Variants in RNF6 observed in about 807,000 individuals in gnomAD.
RNF6 encodes the protein ring finger protein 6.
Under a neutral mutation model 50.1 loss-of-function variants are expected in RNF6, and 21 were observed. The ratio of observed to expected loss-of-function variants is 0.42; its 90% confidence interval spans 0.30 to 0.60. RNF6 has a LOEUF of 0.60. Ranked by LOEUF, RNF6 falls within the 20% of genes least tolerant of loss-of-function variation. RNF6 has a pLI of 0.20. For synonymous variants in RNF6, 255 were observed against 291.8 expected, an observed-to-expected ratio of 0.87 and a Z score of 1.29; for missense variants, 698 against 838.2, an observed-to-expected ratio of 0.83 and a Z score of 2.07.
At chr13:26,175,515 G>A (rs1054015899) in intron 5 of RNF6, among the ~76,000 whole-genome samples, 2 of 152,168 alleles carry the variant, frequency 1.3e-5, no homozygotes, top group Non-Finnish European at 2.9e-5. Context: ...GATAGCCTTA[G>A]TGCTCACCTG....
At chr13:26,179,940 A>G (rs76958022) in intron 5 of RNF6, among the ~76,000 whole-genome samples, 6,649 of 152,282 alleles carry the variant, frequency 0.044, 193 homozygotes, top group Non-Finnish European at 0.068. Flanking sequence ...AGAAGTTGCT[A>G]AAGAATCAAA....
At chr13:26,133,110 G>A (rs1870475999) in intron 5 of RNF6, among the ~76,000 whole-genome samples, 1 of 152,040 alleles carries the variant, frequency 6.6e-6, no homozygotes, top group African/African-American at 2.4e-5. Flanking sequence ...ATTGTCCAAA[G>A]TCTTTTTCAC....
rs167288 is a variant in RNF6 at position 26,165,645 on chromosome 13, T to C, written n.769-33194A>G. 7.7e-3 allele frequency among the ~76,000 whole-genome samples: 1,175 copies of C among 152,342 alleles called. 14 individuals are homozygous for C. Among genetic ancestry groups the C allele is most frequent in the African/African-American group, 0.022 (899 of 41,580 alleles). ...ACCTCTTGCATCAGCTTGACCTGTA[T>C]GTGAAACATGGAGTCAAAGGAAGCA... On this transcript the variant is annotated intron_variant and non_coding_transcript_variant, in intron 5 of 5. Coordinates refer to the RNF6 transcript ENST00000468480.
chr13:26,165,621 C>A (rs1036249517), intron 5 of RNF6, among the ~76,000 whole-genome samples: 3 of 152,230 alleles, frequency 2.0e-5, no homozygotes, highest in African/African-American at 7.2e-5. Context: ...TGGGAACCCA[C>A]CTCTTGCATC....
intron 5 of RNF6, among the ~76,000 whole-genome samples, chr13:26,186,195 C>G (rs1257406093): frequency 6.6e-6 from 1 of 152,142 alleles, no homozygotes; most frequent in Non-Finnish European, 1.5e-5. Flanking sequence ...ATACACACAA[C>G]GCAGAGGAAA....
chr13:26,141,375 C>A (rs1270086140), intron 5 of RNF6, among the ~76,000 whole-genome samples: 1 of 148,256 alleles, frequency 6.7e-6, no homozygotes, highest in Non-Finnish European at 1.5e-5. Context: ...TTGCAGTGAG[C>A]AGAGGTTGTG....
intron 5 of RNF6, among the ~76,000 whole-genome samples, chr13:26,135,803 T>C (rs1355919338): frequency 6.6e-6 from 1 of 151,952 alleles, no homozygotes; most frequent in Admixed American, 6.6e-5. Context: ...CTTGGTGCTG[T>C]CCTTATAGTG....
At chr13:26,132,807 AAGGATTTAGAAC>A (rs1382090329) in intron 5 of RNF6, among the ~76,000 whole-genome samples, 1 of 152,218 alleles carries the variant, frequency 6.6e-6, no homozygotes, top group African/African-American at 2.4e-5. Context: ...TTTGAGTAGC[AAGGATTTAGAAC>A]AGTGGTTCCA....
chr13:26,211,911 C>T (rs1869343099), downstream of RNF6, among the ~76,000 whole-genome samples: 1 of 152,224 alleles, frequency 6.6e-6, no homozygotes, highest in Non-Finnish European at 1.5e-5. Flanking sequence ...CTACCTCTCC[C>T]TCCTCCACCT....
At chr13:26,196,417 G>A (rs372128633) in intron 5 of RNF6, among the ~76,000 whole-genome samples, 14 of 152,116 alleles carry the variant, frequency 9.2e-5, no homozygotes, top group African/African-American at 2.9e-4. Flanking sequence ...TTGGGAGGCC[G>A]AGGTGGGTGG....
At chr13:26,188,887 CA>C (rs1425587480) in intron 5 of RNF6, among the ~76,000 whole-genome samples, 3 of 151,862 alleles carry the variant, frequency 2.0e-5, no homozygotes. Flanking sequence ...CTTGGCCTCC[CA>C]AAGTGATGGG....
intron 5 of RNF6, among the ~76,000 whole-genome samples, chr13:26,164,540 G>T (rs920291626): frequency 2.0e-5 from 3 of 151,752 alleles, no homozygotes; most frequent in African/African-American, 7.3e-5. Context: ...ATCTACTAAG[G>T]TCTTTAAAAA....
At chr13:26,217,222 A>T (rs1046901707) in intron 4 of RNF6, among the ~76,000 whole-genome samples, 1 of 152,232 alleles carries the variant, frequency 6.6e-6, no homozygotes, top group African/African-American at 2.4e-5. Flanking sequence ...TACATATCTA[A>T]ACACAAATAA....
rs565735203 is a variant in RNF6, at chr13:26,205,603, A to G, written n.768+9871T>C. On this transcript the variant is annotated intron_variant and non_coding_transcript_variant, in intron 5 of 5. Coordinates refer to the RNF6 transcript ENST00000468480. ...CTGTTTAAAGAGTTTCATGTAATATATTGAATAGGAAGGTGTTTACTAACA... is the reference window on the plus strand; with the variant it reads ...CTGTTTAAAGAGTTTCATGTAATATGTTGAATAGGAAGGTGTTTACTAACA... 1.5e-4 allele frequency among the ~76,000 whole-genome samples: 23 copies of G among 152,334 alleles called. No individual in the cohort carries two copies. The South Asian group carries it at 4.8e-3, about 32-fold the overall frequency.
chr13:26,134,595 C>T (rs1870554518), intron 5 of RNF6, among the ~76,000 whole-genome samples: 1 of 152,112 alleles, frequency 6.6e-6, no homozygotes, highest in South Asian at 2.1e-4. Flanking sequence ...AGGGAACTCA[C>T]CACCATGTTG....
downstream of RNF6, among the ~76,000 whole-genome samples, chr13:26,211,285 A>G (rs1869310352): frequency 6.6e-6 from 1 of 152,220 alleles, no homozygotes. Flanking sequence ...AAATGCCTAT[A>G]TGGGATTTCT....
downstream of RNF6, among the ~76,000 whole-genome samples, chr13:26,212,257 T>C (rs1212894656): frequency 6.6e-6 from 1 of 152,208 alleles, no homozygotes; most frequent in Non-Finnish European, 1.5e-5. Context: ...AGTCCTTAGT[T>C]TGCTATGAAA....
intron 5 of RNF6, among the ~76,000 whole-genome samples, chr13:26,186,518 T>C (rs547896422): frequency 1.7e-4 from 26 of 152,298 alleles, no homozygotes; most frequent in African/African-American, 6.3e-4. Flanking sequence ...GCAGGTCTGT[T>C]AGGGCGCGCG....
In RNF6 at chr13:26,214,109, A is replaced by G. The variant is rs1869549098; in HGVS notation, c.1773T>C (p.Phe591=). 5 of 1,614,226 alleles carry G rather than the reference A, an allele frequency of 3.1e-6. No homozygotes were observed. The highest frequency in any genetic ancestry group is 4.2e-6 in the Non-Finnish European group (5 of 1,180,040). ...CATCATCACTTTCATTTAGTAAAAA[A>G]AAGTGAGCAAGGCGAAGAATGGGTA... is the stretch of plus-strand genomic sequence containing the variant. ...GTLPILRLAH[F]FLLNESDDDD... The change falls in exon 5 of 5, where the codon TTT becomes TTC. Residue 591 remains phenylalanine, a synonymous_variant. Transcript: ENST00000381588.
Sources: allele counts gnomAD v4.1 joint callset (sites outside exome capture counted in the v4.1 genomes callset), GRCh38; gene constraint gnomAD v4.1.1; transcripts MANE v1.5; gene names NCBI Gene and HGNC (gene_info 2026-07-23, HGNC 2026-07-21).